Variants in TEAD1 observed in about 807,000 individuals in gnomAD.
The protein encoded by TEAD1 is TEA domain transcription factor 1.
In TEAD1, 9 loss-of-function variants were observed where a neutral mutation model predicts 54.9. That is an observed-to-expected ratio of 0.16 (90% confidence interval 0.10 to 0.29). The LOEUF is 0.29. Ranked by LOEUF, TEAD1 falls within the 10% of genes least tolerant of loss-of-function variation. TEAD1 has a pLI of 1.00. For missense variants in TEAD1, 387 were observed against 535.9 expected, an observed-to-expected ratio of 0.72 and a Z score of 2.74; for synonymous variants, 200 against 187.8, an observed-to-expected ratio of 1.07 and a Z score of -0.53.
intron 5 of TEAD1, among the ~76,000 whole-genome samples, chr11:12,870,348 G>A (rs918493352): frequency 6.6e-6 from 1 of 152,098 alleles, no homozygotes; most frequent in Non-Finnish European, 1.5e-5. Context: ...GGACATATAG[G>A]GGATGGTTGA....
intron 2 of TEAD1, among the ~76,000 whole-genome samples, chr11:12,689,994 A>G (rs1331985835): frequency 6.6e-6 from 1 of 152,028 alleles, no homozygotes; most frequent in Non-Finnish European, 1.5e-5. Flanking sequence ...TAATCCCAGC[A>G]CTTTGGGAGG....
intron 2 of TEAD1, among the ~76,000 whole-genome samples, chr11:12,758,228 G>T (rs1010292415): frequency 5.5e-4 from 81 of 147,014 alleles, no homozygotes; most frequent in Middle Eastern, 3.6e-3. Flanking sequence ...CTAAGTTTTT[G>T]TTTTGTTTTT....
At chr11:12,841,158 A>T (rs1174886419) in intron 3 of TEAD1, among the ~76,000 whole-genome samples, 1 of 152,244 alleles carries the variant, frequency 6.6e-6, no homozygotes, top group Non-Finnish European at 1.5e-5. Context: ...AACAGAATTT[A>T]AAAGGGAAAT....
intron 3 of TEAD1, among the ~76,000 whole-genome samples, chr11:12,836,671 A>G (rs548507190): frequency 3.1e-4 from 47 of 152,340 alleles, no homozygotes; most frequent in Non-Finnish European, 6.6e-4. Context: ...GCTGTATATT[A>G]AAGCTCCAGA....
At chr11:12,775,449 G>C (rs910494152) in intron 3 of TEAD1, among the ~76,000 whole-genome samples, 1 of 152,196 alleles carries the variant, frequency 6.6e-6, no homozygotes, top group Non-Finnish European at 1.5e-5. Flanking sequence ...TAGAGCTTCA[G>C]TTCCTCACTC....
At chr11:12,902,245 A>G (rs1488475802) in intron 10 of TEAD1, 132 bp downstream of exon 10, 7 of 1,260,002 alleles carry the variant, frequency 5.6e-6, no homozygotes, top group South Asian at 1.2e-5. Flanking sequence ...ACAATTGCCA[A>G]GGGAGCACGG....
chr11:12,907,748 TGAA>T (rs1350095456), intron 10 of TEAD1, among the ~76,000 whole-genome samples: 1 of 152,212 alleles, frequency 6.6e-6, no homozygotes, highest in Non-Finnish European at 1.5e-5. Flanking sequence ...ACTTCACACA[TGAA>T]GAAATCAAAC....
chr11:12,743,973 C>T (rs1030675886), intron 2 of TEAD1, among the ~76,000 whole-genome samples: 1 of 152,154 alleles, frequency 6.6e-6, no homozygotes, highest in Non-Finnish European at 1.5e-5. Context: ...TTTTAAACAA[C>T]CAGTATAGTT....
intron 3 of TEAD1, among the ~76,000 whole-genome samples, chr11:12,856,935 G>T (rs1947395672): frequency 6.6e-6 from 1 of 152,186 alleles, no homozygotes; most frequent in South Asian, 2.1e-4. Context: ...GTTAAAGCTT[G>T]AGTGTCTCTG....
chr11:12,861,456 G>A (rs532471261), intron 3 of TEAD1, among the ~76,000 whole-genome samples: 5 of 152,136 alleles, frequency 3.3e-5, no homozygotes, highest in African/African-American at 9.6e-5. Flanking sequence ...GTCATTGTCC[G>A]GCTTCCGTGG....
At chr11:12,776,798 T>C (rs11022498) in intron 3 of TEAD1, among the ~76,000 whole-genome samples, 55 of 116,060 alleles carry the variant, frequency 4.7e-4, no homozygotes, top group East Asian at 8.2e-4. Flanking sequence ...TTATTATTAT[T>C]ATCATTATTA....
Position 12,676,000 on chromosome 11 carries a change from A to C in TEAD1, c.-55+439A>C, listed in dbSNP as rs557169284. 1.6e-3 allele frequency among the ~76,000 whole-genome samples: 241 copies of C among 152,330 alleles called. 2 individuals are homozygous for C. The highest frequency in any genetic ancestry group is 5.5e-3 in the African/African-American group (228 of 41,568). On this transcript the variant is annotated intron_variant, in intron 2 of 12. Coordinates refer to ENST00000527636, the MANE Select transcript of TEAD1 (RefSeq NM_021961.6). ...CAAGTGGCTTCCTGTGATTTGCAGA[A>C]ATGAAAATTGACCTCAGTGAGCCCT... is the stretch of plus-strand genomic sequence containing the variant.
At chr11:12,814,395 G>A (rs1276360136) in intron 3 of TEAD1, among the ~76,000 whole-genome samples, 1 of 152,158 alleles carries the variant, frequency 6.6e-6, no homozygotes, top group African/African-American at 2.4e-5. Context: ...CTTTGGCAGC[G>A]CTGAAGGAAG....
At chr11:12,916,314 GC>G (rs1315804633) in intron 10 of TEAD1, among the ~76,000 whole-genome samples, 1 of 152,122 alleles carries the variant, frequency 6.6e-6, no homozygotes, top group Non-Finnish European at 1.5e-5. Flanking sequence ...TTGCATCTGT[GC>G]CACACACCCG....
At chr11:12,680,080 A>G (rs1943185650) in intron 2 of TEAD1, among the ~76,000 whole-genome samples, 1 of 152,062 alleles carries the variant, frequency 6.6e-6, no homozygotes. Flanking sequence ...TGTATTTGAC[A>G]GAAATCATTG....
At chr11:12,870,745 G>A (rs972152975) in intron 5 of TEAD1, among the ~76,000 whole-genome samples, 1 of 152,122 alleles carries the variant, frequency 6.6e-6, no homozygotes, top group Non-Finnish European at 1.5e-5. Flanking sequence ...AATTAGCCAG[G>A]TATGGCAGTG....
chr11:12,771,259 C>T (rs772239217), intron 3 of TEAD1, among the ~76,000 whole-genome samples: 32 of 152,254 alleles, frequency 2.1e-4, no homozygotes, highest in Non-Finnish European at 4.0e-4. Context: ...AGGTGCCTGG[C>T]ACTCATCCTG....
At chr11:12,801,750 A>G (rs1388072089) in intron 3 of TEAD1, among the ~76,000 whole-genome samples, 1 of 152,198 alleles carries the variant, frequency 6.6e-6, no homozygotes, top group Non-Finnish European at 1.5e-5. Flanking sequence ...TCAAACCAAG[A>G]ATTGTATGGT....
At chr11:12,904,104 A>G (rs566399406) in intron 10 of TEAD1, among the ~76,000 whole-genome samples, 6 of 152,344 alleles carry the variant, frequency 3.9e-5, no homozygotes, top group African/African-American at 1.2e-4. Context: ...TGCCTTTTCC[A>G]TTCTGCTTAT....
Sources: allele counts gnomAD v4.1 joint callset (sites outside exome capture counted in the v4.1 genomes callset), GRCh38; gene constraint gnomAD v4.1.1; transcripts MANE v1.5; gene names NCBI Gene and HGNC (gene_info 2026-07-23, HGNC 2026-07-21).